The following COLEC11 variants were observed in gnomAD, a reference collection of about 807,000 sequenced individuals.
COLEC11 encodes the protein collectin subfamily member 11, also known as collectin-11.
COLEC11 carries 20 observed loss-of-function variants against 27.3 expected under a neutral mutation model. The observed-to-expected ratio is 0.73, with a 90% confidence interval of 0.51 to 1.06. The LOEUF (loss-of-function observed/expected upper bound fraction) is 1.06. Among genes scored for constraint, COLEC11 ranks in the 50% least tolerant of loss-of-function variants. COLEC11 has a pLI of 0.00. For missense variants in COLEC11, 310 were observed against 383.0 expected (o/e 0.81, Z 1.59); for synonymous variants, 163 against 154.7 (o/e 1.05, Z -0.40).
intron 1 of COLEC11, 164 bp from the exon 2 acceptor site, chr2:3,604,151 C>T (rs888744620): frequency 2.1e-5 from 15 of 721,276 alleles, no homozygotes; most frequent in Non-Finnish European, 3.1e-5. Context: ...TCAGTGGAGG[C>T]TCATGATTGG....
In COLEC11 at chr2:3,637,563, G is replaced by T; in HGVS notation, c.233G>T (p.Ser78Ile). The T allele has an allele frequency of 6.2e-7, 1 of 1,614,176 alleles. No individual in the cohort carries two copies. Among genetic ancestry groups the T allele is most frequent in the Non-Finnish European group, 8.5e-7 (1 of 1,180,030 alleles). ...GDMGDKGQKG[S>I]VGRHGKIGPI... Reference sequence around the variant, plus strand: ...ATGGGGGACAAAGGACAGAAAGGCAGTGTGGGTCGTCATGGAAAAATTGGT... The same window carrying T: ...ATGGGGGACAAAGGACAGAAAGGCATTGTGGGTCGTCATGGAAAAATTGGT... The change falls in exon 4 of 7, where the codon AGT becomes ATT. Residue 78 changes from serine to isoleucine, a missense_variant. Coordinates refer to ENST00000349077, the MANE Select transcript of COLEC11 (RefSeq NM_024027.5).
chr2:3,615,872 C>T (rs1380598539), intron 3 of COLEC11, among the ~76,000 whole-genome samples: 8 of 133,832 alleles, frequency 6.0e-5, no homozygotes, highest in African/African-American at 2.2e-4. Flanking sequence ...ACCTCCCTCC[C>T]GGACGCGGCG....
chr2:3,640,007 G>A (rs1665728886), intron 4 of COLEC11, among the ~76,000 whole-genome samples: 1 of 152,212 alleles, frequency 6.6e-6, no homozygotes, highest in African/African-American at 2.4e-5. Flanking sequence ...TGTCTGCAGA[G>A]TGTTCTATCA....
At chr2:3,640,093 G>T (rs554909734) in intron 4 of COLEC11, among the ~76,000 whole-genome samples, 185 bp from the exon 5 acceptor site, 1 of 152,294 alleles carries the variant, frequency 6.6e-6, no homozygotes, top group East Asian at 1.9e-4. Flanking sequence ...CATGTATATG[G>T]TTCGTATCAC....
chr2:3,604,233 C>A, intron 1 of COLEC11, 82 bp from the exon 2 acceptor site: 1 of 1,507,618 alleles, frequency 6.6e-7, no homozygotes, highest in Non-Finnish European at 9.2e-7. Flanking sequence ...GGGCTACACC[C>A]CTTGCCTCCG....
At chr2:3,601,359 T>C (rs1662207234) in intron 1 of COLEC11, among the ~76,000 whole-genome samples, 1 of 152,186 alleles carries the variant, frequency 6.6e-6, no homozygotes, top group South Asian at 2.1e-4. Flanking sequence ...TGGAGTGCAG[T>C]GGTGTGATCA....
intron 3 of COLEC11, among the ~76,000 whole-genome samples, chr2:3,630,392 A>G (rs553656948): frequency 1.3e-5 from 2 of 152,234 alleles, no homozygotes; most frequent in African/African-American, 2.4e-5. Flanking sequence ...TATAAGCACC[A>G]TGAAGTTCAA....
chr2:3,615,922 CG>C (rs934623992), intron 3 of COLEC11, among the ~76,000 whole-genome samples: 20 of 99,620 alleles, frequency 2.0e-4, no homozygotes, highest in African/African-American at 3.8e-4. Context: ...CCCTCCCGGA[CG>C]GGGGGGCTGC....
rs115384775 is a variant in COLEC11, at chr2:3,643,624, C to T, written c.424+85C>T. 6.8e-4 allele frequency: 1,094 copies of T among 1,598,118 alleles called. 9 individuals are homozygous for T. In the African/African-American group the frequency reaches 0.013, roughly 19 times the overall value. ...CCCGGCAAGGGCTCTGCCGTGCCCA[C>T]GCCTGCCCTGCCTGCCCTGCCGGCC... On this transcript the variant is annotated intron_variant, in intron 6 of 6. Transcript: ENST00000349077.
At chr2:3,637,882 ACT>A (rs1025538073) in intron 4 of COLEC11, among the ~76,000 whole-genome samples, 2 of 151,964 alleles carry the variant, frequency 1.3e-5, no homozygotes, top group Non-Finnish European at 2.9e-5. Context: ...CTTGGGCAAG[ACT>A]CTGGCTGTGT....
intron 3 of COLEC11, chr2:3,626,186 C>A: frequency 1.9e-6 from 2 of 1,065,574 alleles, no homozygotes; most frequent in Non-Finnish European, 2.9e-6. Context: ...ATGGCTTGGA[C>A]AGAACTGGAG....
intron 3 of COLEC11, among the ~76,000 whole-genome samples, chr2:3,619,648 C>A (rs985217124): frequency 1.3e-5 from 2 of 152,132 alleles, no homozygotes; most frequent in Non-Finnish European, 2.9e-5. Context: ...GTTTTTGAGA[C>A]GGAGTCTTGC....
In COLEC11 at chr2:3,613,340, G is replaced by A. The variant is rs754115098; in HGVS notation, c.160G>A (p.Ala54Thr). 24 of 1,609,914 alleles carry A rather than the reference G, an allele frequency of 1.5e-5. No individual in the cohort carries two copies. The highest frequency in any genetic ancestry group is 2.2e-5 in the East Asian group (1 of 44,740). The part of the protein sequence containing the change: ...GDAGEKGDKG[A>T]PGRPGRVGPT... The stretch of plus-strand genomic sequence containing the variant: ...TGCGGGAGAGAAGGGAGACAAAGGC[G>A]CCCCCGGACGGCCTGGAAGAGTCGG... Residue 54 changes from alanine to threonine, a missense_variant, in exon 3 of 7, where the codon GCC (alanine) becomes ACC (threonine). Transcript: ENST00000349077.
At chr2:3,627,257 T>C (rs4849961) in intron 3 of COLEC11, among the ~76,000 whole-genome samples, 122,777 of 150,308 alleles carry the variant, frequency 0.82, 50,228 homozygotes, top group East Asian at 0.88. Context: ...CGCCTGGGCA[T>C]GATGACGCTG....
chr2:3,626,851 G>A (rs528610884), intron 3 of COLEC11, among the ~76,000 whole-genome samples: 25 of 152,300 alleles, frequency 1.6e-4, no homozygotes, highest in African/African-American at 4.8e-4. Context: ...CACCCTGGGC[G>A]CTCTGCCTGT....
chr2:3,631,610 C>T (rs987848964), intron 3 of COLEC11, among the ~76,000 whole-genome samples: 15 of 152,274 alleles, frequency 9.9e-5, no homozygotes, highest in African/African-American at 3.4e-4. Context: ...GTTTGGGCCA[C>T]CTGTAGCCAC....
chr2:3,611,327 G>A (rs905267812), intron 2 of COLEC11, among the ~76,000 whole-genome samples: 2 of 152,208 alleles, frequency 1.3e-5, no homozygotes, highest in Admixed American at 6.5e-5. Context: ...AGTGGCTCCC[G>A]CACAGCGTCT....
At chr2:3,627,242 A>G (rs1255863682) in intron 3 of COLEC11, among the ~76,000 whole-genome samples, 1 of 148,428 alleles carries the variant, frequency 6.7e-6, no homozygotes, top group Non-Finnish European at 1.5e-5. Flanking sequence ...GCTGCAACTC[A>G]ACTTCGCCTG....
At chr2:3,613,227 T>A (rs537046687) in intron 2 of COLEC11, 84 bp from the exon 3 acceptor site, 1 of 1,448,960 alleles carries the variant, frequency 6.9e-7, no homozygotes, top group South Asian at 1.2e-5. Flanking sequence ...GGGAGAACGC[T>A]TCTAACTGTT....
Sources: gnomAD v4.1 joint callset for allele counts (sites outside exome capture counted in the v4.1 genomes callset) on GRCh38, gnomAD v4.1.1 for gene constraint, MANE v1.5 for transcripts, NCBI Gene and HGNC (gene_info 2026-07-23, HGNC 2026-07-21) for gene names.